SRP19: variants seen among roughly 807,000 people sequenced by gnomAD.
The protein encoded by SRP19 is signal recognition particle 19 kDa protein.
Under a neutral mutation model 22.4 loss-of-function variants are expected in SRP19, and 11 were observed. The ratio of observed to expected loss-of-function variants is 0.49; its 90% confidence interval spans 0.31 to 0.81. SRP19 has a LOEUF of 0.81. SRP19 is among the 40% of genes least tolerant of loss of function. The probability of loss-of-function intolerance (pLI) is 0.05; values close to 1 mark genes in which losing one functional copy is unlikely to be tolerated. For synonymous variants in SRP19, 61 were observed against 57.6 expected, an observed-to-expected ratio of 1.06 and a Z score of -0.27; for missense variants, 168 against 175.9, an observed-to-expected ratio of 0.96 and a Z score of 0.25.
chr5:112,873,334 C>T (rs1183265331), downstream of SRP19, among the ~76,000 whole-genome samples: 5 of 116,028 alleles, frequency 4.3e-5, no homozygotes, highest in African/African-American at 1.6e-4. Context: ...TATTTTCCAA[C>T]CTTTCCTATT....
At chr5:112,861,526 C>A in intron 1 of SRP19, 109 bp downstream of exon 1, 1 of 1,220,836 alleles carries the variant, frequency 8.2e-7, no homozygotes, top group Non-Finnish European at 1.2e-6. Flanking sequence ...CTAGCTGATC[C>A]AACTCGCTCT....
intron 4 of SRP19, chr5:112,885,799 A>G: frequency 4.4e-6 from 1 of 228,280 alleles, no homozygotes; most frequent in African/African-American, 2.4e-5. Flanking sequence ...CAGAGAGCCA[A>G]GCTAATGCGG....
chr5:112,866,034 CTTTTAT>C (rs556227857), intron 4 of SRP19, among the ~76,000 whole-genome samples: 184 of 152,092 alleles, frequency 1.2e-3, no homozygotes, highest in African/African-American at 3.8e-3. Flanking sequence ...CATGTTTGAA[CTTTTAT>C]TTTTAAAGAC....
downstream of SRP19, chr5:112,895,261 A>G (rs1768648033): frequency 6.8e-6 from 1 of 146,714 alleles, no homozygotes; most frequent in Admixed American, 6.8e-5. Flanking sequence ...AAAAAAAATC[A>G]GGAGAGGTGG....
chr5:112,864,713 C>T lies in SRP19; in HGVS notation c.282C>T (p.Cys94=), dbSNP rs759924234. The change falls in exon 4 of 5, where the codon TGC becomes TGT. Residue 94 remains cysteine (C), a synonymous_variant. Transcript: ENST00000505459. ...VQLKQEDGSL[C]LVQFPSRKSV... Reference sequence around the variant, plus strand: ...TCAAACAGGAAGATGGGAGCCTCTGCCTTGTACAGTTCCCATCACGTAAGC... The same window carrying T: ...TCAAACAGGAAGATGGGAGCCTCTGTCTTGTACAGTTCCCATCACGTAAGC... 1 of 1,613,770 alleles carries T rather than the reference C, an allele frequency of 6.2e-7. No individual in the cohort carries two copies. Among genetic ancestry groups the T allele is most frequent in the Non-Finnish European group, 8.5e-7 (1 of 1,179,816 alleles).
chr5:112,872,322 C>CTTTTTTTTTTTTTTT (rs759571945), downstream of SRP19, among the ~76,000 whole-genome samples: 1 of 92,692 alleles, frequency 1.1e-5, no homozygotes, highest in Non-Finnish European at 2.0e-5. Flanking sequence ...CCAAATGATT[C>CTTTTTTTTTTTTTTT]TTTTTTTTTT....
exon 4 of SRP19, chr5:112,898,277 A>G (rs1175343223): frequency 6.6e-6 from 1 of 152,202 alleles, no homozygotes; most frequent in African/African-American, 2.4e-5. Context: ...ATGTAGGAAG[A>G]AAGTATTTTG....
At chr5:112,869,801 G>A (rs73220047), downstream of SRP19, 4,510 of 152,420 alleles carry the variant, frequency 0.03, 231 homozygotes, top group African/African-American at 0.1. Flanking sequence ...CCCTGTGAAG[G>A]TGCCTGCTTC....
chr5:112,889,858 G>A (rs1051742091), intron 4 of SRP19, among the ~76,000 whole-genome samples: 1 of 141,452 alleles, frequency 7.1e-6, no homozygotes, highest in African/African-American at 2.7e-5. Flanking sequence ...ACTGATTCTT[G>A]CTCTCTTACC....
chr5:112,895,465 C>T (rs1768653161), downstream of SRP19: 1 of 143,934 alleles, frequency 6.9e-6, no homozygotes, highest in Non-Finnish European at 1.5e-5. Context: ...CTTCAGCAAT[C>T]CAGACAAGCT....
intron 4 of SRP19, among the ~76,000 whole-genome samples, chr5:112,881,293 C>T (rs1768068750): frequency 6.6e-6 from 1 of 152,114 alleles, no homozygotes; most frequent in Non-Finnish European, 1.5e-5. Flanking sequence ...GAACATACCA[C>T]TTCTGGGGCA....
chr5:112,877,345 G>C (rs141004505), intron 4 of SRP19: 32 of 152,208 alleles, frequency 2.1e-4, no homozygotes, highest in Admixed American at 2.0e-3. Flanking sequence ...ATTTAATCTT[G>C]TTAGTTTAGT....
downstream of SRP19, among the ~76,000 whole-genome samples, chr5:112,874,746 C>T (rs1227204621): frequency 2.6e-5 from 4 of 151,714 alleles, no homozygotes; most frequent in African/African-American, 9.7e-5. Context: ...CCTCTCCATC[C>T]CCATCCTCCA....
intron 4 of SRP19, among the ~76,000 whole-genome samples, chr5:112,890,929 T>C (rs1436185168): frequency 6.6e-6 from 1 of 150,740 alleles, no homozygotes; most frequent in Non-Finnish European, 1.5e-5. Context: ...AAAATAAAAT[T>C]ACTAAGCATA....
chr5:112,863,334 A>G (rs1767476701), intron 2 of SRP19, among the ~76,000 whole-genome samples: 2 of 152,134 alleles, frequency 1.3e-5, no homozygotes, highest in Admixed American at 6.5e-5. Context: ...ATTTGAATGT[A>G]GTTGAATTTT....
Position 112,861,297 on chromosome 5 carries a change from G to T in SRP19, c.-80G>T. The T allele has an allele frequency of 6.4e-7, 1 of 1,554,926 alleles. No homozygotes were observed. Among genetic ancestry groups the T allele is most frequent in the South Asian group, 1.1e-5 (1 of 89,872 alleles). On this transcript the variant is annotated 5_prime_UTR_variant, in exon 1 of 5. Transcript: ENST00000505459. Reference sequence around the variant, plus strand: ...TTCCGGCGGAAAAGCGGGCTGTCTCGGAAACTCAGAGCCGGGTTCCTCCCG... The same window carrying T: ...TTCCGGCGGAAAAGCGGGCTGTCTCTGAAACTCAGAGCCGGGTTCCTCCCG...
chr5:112,884,583 C>A (rs957271747), intron 4 of SRP19, among the ~76,000 whole-genome samples: 2 of 151,788 alleles, frequency 1.3e-5, no homozygotes, highest in African/African-American at 4.8e-5. Flanking sequence ...CCATAGGAGA[C>A]CCTGTCACAA....
At chr5:112,897,063 T>C (rs952600403), downstream of SRP19, 5 of 152,166 alleles carry the variant, frequency 3.3e-5, no homozygotes, top group African/African-American at 1.2e-4. Context: ...AGGTAAATTA[T>C]CAATAACATT....
In SRP19 at chr5:112,867,327, C is replaced by G; in HGVS notation, c.302-77C>G. 3 of 1,508,514 alleles carry G rather than the reference C, an allele frequency of 2.0e-6. 1 individual carries two copies. The highest frequency in any genetic ancestry group is 4.6e-5 in the East Asian group (2 of 43,906). 93.4% of individuals were successfully genotyped at this position (1,508,514 alleles called of 1,614,324 possible). On this transcript the variant is annotated intron_variant, in intron 4 of 4. Coordinates refer to ENST00000505459, the MANE Select transcript of SRP19 (RefSeq NM_003135.3). ...TTTCTTGATGTGATAGTTTCTTACA[C>G]TTTGTGATATTCAATTTGATGACTT...
Sources: gnomAD v4.1 joint callset for allele counts (sites outside exome capture counted in the v4.1 genomes callset) on GRCh38, gnomAD v4.1.1 for gene constraint, MANE v1.5 for transcripts, NCBI Gene and HGNC (gene_info 2026-07-23, HGNC 2026-07-21) for gene names.